RFTN1: variants seen among roughly 807,000 people sequenced by gnomAD.
The protein encoded by RFTN1 is raftlin, lipid raft linker 1, also known as raftlin.
Under a neutral mutation model 46.5 loss-of-function variants are expected in RFTN1, and 26 were observed. The observed-to-expected ratio is 0.56, with a 90% CI of 0.41 to 0.78. The LOEUF is 0.78. Among genes scored for constraint, RFTN1 ranks in the 30% least tolerant of loss-of-function variants. The pLI is 0.00. For synonymous variants in RFTN1, 261 were observed against 284.2 expected (o/e 0.92, Z 0.82); for missense variants, 693 against 718.7 (o/e 0.96, Z 0.41).
Position 16,316,963 on chromosome 3 carries a change from C to T in RFTN1, c.1602G>A (p.Glu534=), listed in dbSNP as rs770403230. The part of the protein sequence containing the change: ...GLLCGVGVEG[E]AVQNGPASHS... ...GGCTGGCAGGACCATTCTGCACAGC[C>T]TCACCCTCCACACCCACCCCACACA... The change falls in exon 10 of 10, where the codon GAG becomes GAA. Residue 534 remains glutamate, a synonymous_variant. Transcript: ENST00000334133. The surrounding 1 kb of genome is among the most constrained non-coding windows in gnomAD (Gnocchi z 4.5). The T allele has an allele frequency of 6.2e-7, 1 of 1,614,054 alleles. No individual in the cohort carries two copies. Among genetic ancestry groups the T allele is most frequent in the Non-Finnish European group, 8.5e-7 (1 of 1,180,012 alleles).
At position 16,421,026 on chromosome 3, in the gene RFTN1, A is replaced by C. The variant is rs2075173241; in HGVS notation, c.333-11543T>G. Among the ~76,000 whole-genome samples, 1 of 152,200 alleles carries C rather than the reference A, an allele frequency of 6.6e-6. No homozygotes were observed. ...TGTGTCTCAAATGCTGAGTGGATCAATTGTCTCCAAATTTTTCTGATCACA... is the reference window on the plus strand; with the variant it reads ...TGTGTCTCAAATGCTGAGTGGATCACTTGTCTCCAAATTTTTCTGATCACA... On this transcript the variant is annotated intron_variant, in intron 3 of 9. Transcript: ENST00000334133. This position sits in a 1 kb window ranked among gnomAD's most constrained non-coding sequence, Gnocchi z 4.6.
At chr3:16,390,157 A>T (rs1046725574) in intron 4 of RFTN1, among the ~76,000 whole-genome samples, 1 of 152,232 alleles carries the variant, frequency 6.6e-6, no homozygotes, top group African/African-American at 2.4e-5. Context: ...AATGACTGCT[A>T]TTGTTTAAAG....
chr3:16,495,284 T>C (rs907935446), intron 1 of RFTN1, among the ~76,000 whole-genome samples: 8 of 152,250 alleles, frequency 5.3e-5, no homozygotes, highest in Admixed American at 2.0e-4. Flanking sequence ...GCAAGCCGGC[T>C]GGCATCCACT....
chr3:16,396,715 C>A (rs2074477257), intron 4 of RFTN1, among the ~76,000 whole-genome samples: 1 of 152,096 alleles, frequency 6.6e-6, no homozygotes, highest in Non-Finnish European at 1.5e-5. Context: ...GTACTAGATT[C>A]ATTTGAATCT....
intron 3 of RFTN1, among the ~76,000 whole-genome samples, chr3:16,430,805 G>A (rs2075369823): frequency 6.6e-6 from 1 of 152,160 alleles, no homozygotes; most frequent in Non-Finnish European, 1.5e-5. Flanking sequence ...AACCCAAGGA[G>A]ACTGCCAACT....
chr3:16,433,944 G>A lies in RFTN1; in HGVS notation c.239C>T (p.Ala80Val), dbSNP rs770000558. 8 of 1,614,132 alleles carry A rather than the reference G, an allele frequency of 5.0e-6. No individual in the cohort carries two copies. Among genetic ancestry groups the A allele is most frequent in the Middle Eastern group, 1.7e-4 (1 of 6,036 alleles). ...GGGCTGCACGAAGGGGTGCAGGGCC[G>A]CCAGCGAGAAGCCCTGCTGGTACAG... ...LELYQQGFSL[A>V]ALHPFVQPTH... Residue 80 changes from alanine (A) to valine (V), a missense_variant, in exon 3 of 10, where the codon GCG (alanine) becomes GTG (valine). Transcript: ENST00000334133. The surrounding 1 kb of genome is among the most constrained non-coding windows in gnomAD (Gnocchi z 4.4).
Position 16,402,101 on chromosome 3 carries a change from C to G in RFTN1, c.441+7274G>C, listed in dbSNP as rs1351392672. 6.6e-6 allele frequency among the ~76,000 whole-genome samples: 1 copy of G among 152,218 alleles called. No individual in the cohort carries two copies. The highest frequency in any genetic ancestry group is 1.9e-4 in the East Asian group (1 of 5,200). ...GTCTTCATACAACCATCCCCATTCT[C>G]ATCACCTCTCTGCCCCCAGGGCTCC... On this transcript the variant is annotated intron_variant, in intron 4 of 9. Coordinates refer to ENST00000334133, the MANE Select transcript of RFTN1 (RefSeq NM_015150.2). The surrounding 1 kb of genome is among the most constrained non-coding windows in gnomAD (Gnocchi z 4.5).
chr3:16,483,970 G>A lies in RFTN1; in HGVS notation c.145+9755C>T, dbSNP rs1010890032. Among the ~76,000 whole-genome samples, 7 of 152,128 alleles carry A rather than the reference G, an allele frequency of 4.6e-5. No individual in the cohort carries two copies. The highest frequency in any genetic ancestry group is 1.4e-4 in the African/African-American group (6 of 41,404). On this transcript the variant is annotated intron_variant, in intron 2 of 9. Transcript: ENST00000334133. The surrounding 1 kb of genome is among the most constrained non-coding windows in gnomAD (Gnocchi z 4.8). ...GCTATTCTGATTCACTCTCAAGGTTGGGAACCACTCCTTTAAGCTAATGAT... is the reference window on the plus strand; with the variant it reads ...GCTATTCTGATTCACTCTCAAGGTTAGGAACCACTCCTTTAAGCTAATGAT...
At chr3:16,437,487 C>T (rs556665764) in intron 2 of RFTN1, among the ~76,000 whole-genome samples, 1 of 151,948 alleles carries the variant, frequency 6.6e-6, no homozygotes, top group East Asian at 1.9e-4. Flanking sequence ...GGCAAAACTC[C>T]ATCTGTACAA....
chr3:16,501,069 C>T (rs546488545), intron 1 of RFTN1, among the ~76,000 whole-genome samples: 69 of 152,208 alleles, frequency 4.5e-4, no homozygotes, highest in African/African-American at 1.3e-3. Flanking sequence ...CCCAGGATTG[C>T]GAGGCTGCAG....
chr3:16,366,810 T>C (rs978156850), intron 6 of RFTN1, among the ~76,000 whole-genome samples: 3 of 152,184 alleles, frequency 2.0e-5, no homozygotes, highest in Admixed American at 6.5e-5. Context: ...AACCGCTAGG[T>C]GTCCATGGTC....
chr3:16,324,589 G>T (rs2069467280), intron 8 of RFTN1, among the ~76,000 whole-genome samples: 4 of 138,026 alleles, frequency 2.9e-5, no homozygotes, highest in South Asian at 2.3e-4. Flanking sequence ...GCTCATCCTT[G>T]TAATAAATAA....
At position 16,370,182 on chromosome 3, in the gene RFTN1, G is replaced by C; in HGVS notation, c.924C>G (p.Gly308=). The change falls in exon 6 of 10, where the codon GGC becomes GGG. Residue 308 remains glycine, a synonymous_variant. Coordinates refer to ENST00000334133, the MANE Select transcript of RFTN1 (RefSeq NM_015150.2). This position sits in a 1 kb window ranked among gnomAD's most constrained non-coding sequence, Gnocchi z 5.5. ...VTIPLHVSKN[G]QTVSGLDANW... ...TGGCGTCCAAACCGCTCACTGTCTG[G>C]CCATTCTTGGAGACATGGAGAGGAA... is the stretch of plus-strand genomic sequence containing the variant. 2 of 1,614,180 alleles carry C rather than the reference G, an allele frequency of 1.2e-6. No individual in the cohort carries two copies. Among genetic ancestry groups the C allele is most frequent in the Non-Finnish European group, 1.7e-6 (2 of 1,180,026 alleles).
At chr3:16,495,468 T>C (rs1264574355) in intron 1 of RFTN1, among the ~76,000 whole-genome samples, 1 of 152,224 alleles carries the variant, frequency 6.6e-6, no homozygotes, top group Non-Finnish European at 1.5e-5. Flanking sequence ...ATTCAAACAA[T>C]GTGGTCTTTG....
rs538921342 is a variant in RFTN1, at chr3:16,445,598, T to C, written c.146-11561A>G. The stretch of plus-strand genomic sequence containing the variant: ...TCAAAATGTGGCCAGTCTGAATGAA[T>C]GTGGTATAAGTATAAAATGTTCAAC... On this transcript the variant is annotated intron_variant, in intron 2 of 9. Coordinates refer to ENST00000334133, the MANE Select transcript of RFTN1 (RefSeq NM_015150.2). Among the ~76,000 whole-genome samples, 11 of 152,080 alleles carry C rather than the reference T, an allele frequency of 7.2e-5. No homozygotes were observed. In the East Asian group the frequency reaches 1.9e-3, roughly 27 times the overall value.
intron 2 of RFTN1, among the ~76,000 whole-genome samples, chr3:16,441,443 C>A (rs1575297460): frequency 6.6e-6 from 1 of 152,226 alleles, no homozygotes; most frequent in East Asian, 1.9e-4. Flanking sequence ...CAAAAACATT[C>A]CACAGCTCCA....
intron 3 of RFTN1, among the ~76,000 whole-genome samples, chr3:16,411,694 C>G (rs977412411): frequency 3.9e-5 from 6 of 152,186 alleles, no homozygotes; most frequent in African/African-American, 1.4e-4. Context: ...GGTCAAGACA[C>G]ACTGTCATAC....
In RFTN1 at chr3:16,391,153, C is replaced by T. The variant is rs73041473; in HGVS notation, c.442-13051G>A. 6.3e-3 allele frequency among the ~76,000 whole-genome samples: 957 copies of T among 152,286 alleles called. 7 individuals are homozygous for T. Among genetic ancestry groups the T allele is most frequent in the Non-Finnish European group, 9.4e-3 (641 of 68,024 alleles). ...ACCCTCATCCCTAACATCTACACTA[C>T]GAATCTCCCCCCAGCTACCTTTTCA... On this transcript the variant is annotated intron_variant, in intron 4 of 9. Coordinates refer to ENST00000334133, the MANE Select transcript of RFTN1 (RefSeq NM_015150.2).
rs187000521 is a variant in RFTN1, at chr3:16,424,921, T to C, written c.332+8930A>G. The stretch of plus-strand genomic sequence containing the variant: ...ATCACTGGTAATGCCCATTATATCT[T>C]TTTCAGCTTGAAAAACACACAAAAA... On this transcript the variant is annotated intron_variant, in intron 3 of 9. Coordinates refer to ENST00000334133, the MANE Select transcript of RFTN1 (RefSeq NM_015150.2). This position sits in a 1 kb window ranked among gnomAD's most constrained non-coding sequence, Gnocchi z 4.7. Among the ~76,000 whole-genome samples, 283 of 148,398 alleles carry C rather than the reference T, an allele frequency of 1.9e-3. No individual in the cohort carries two copies. The highest frequency in any genetic ancestry group is 6.7e-3 in the African/African-American group (276 of 40,906).
Sources: gnomAD v4.1 joint callset for allele counts (sites outside exome capture counted in the v4.1 genomes callset) on GRCh38, gnomAD v4.1.1 for gene constraint, Gnocchi (gnomAD v3.1) non-coding constraint, MANE v1.5 for transcripts, NCBI Gene and HGNC (gene_info 2026-07-23, HGNC 2026-07-21) for gene names.